The following CUL3 variants were observed in gnomAD, a reference collection of about 807,000 sequenced individuals.
CUL3 encodes cullin 3, also known as cullin-3.
Under a neutral mutation model 89.1 loss-of-function variants are expected in CUL3, and 19 were observed. The observed-to-expected ratio is 0.21, with a 90% CI of 0.15 to 0.31. The LOEUF is 0.31. CUL3 is among the 10% of genes least tolerant of loss of function. CUL3 has a pLI of 1.00. For missense variants in CUL3, 469 were observed against 942.3 expected, an observed-to-expected ratio of 0.50 and a Z score of 6.58; for synonymous variants, 351 against 308.4, an observed-to-expected ratio of 1.14 and a Z score of -1.45.
intron 2 of CUL3, among the ~76,000 whole-genome samples, chr2:224,542,826 A>T (rs887477243): frequency 1.3e-5 from 2 of 152,198 alleles, no homozygotes; most frequent in Non-Finnish European, 2.9e-5. Context: ...GCTGGAAAGG[A>T]GGATGACAGG....
At chr2:224,505,521 G>C (rs955804462) in intron 8 of CUL3, among the ~76,000 whole-genome samples, 5 of 152,144 alleles carry the variant, frequency 3.3e-5, no homozygotes, top group Non-Finnish European at 7.3e-5. Context: ...CTGCAGCCTT[G>C]AACTCCTGAG....
chr2:224,502,248 T>C (rs546864569), intron 10 of CUL3, among the ~76,000 whole-genome samples: 1 of 152,340 alleles, frequency 6.6e-6, no homozygotes, highest in African/African-American at 2.4e-5. Context: ...TAAATGGTTG[T>C]GACACATTTT....
chr2:224,535,488 A>AGCATTCTTC (rs1461208116), intron 3 of CUL3, 40 bp downstream of exon 3: 1 of 1,408,608 alleles, frequency 7.1e-7, no homozygotes, highest in Admixed American at 2.2e-5. Flanking sequence ...CAAATGCTTA[A>AGCATTCTTC]CTGCTTAAAG....
Position 224,539,768 on chromosome 2 carries a change from C to CA in CUL3, c.265-4128dup, listed in dbSNP as rs796875829. Among the ~76,000 whole-genome samples the CA allele has an allele frequency of 3.5e-3, 451 of 130,450 alleles. 2 individuals carry two copies. Among genetic ancestry groups the CA allele is most frequent in the African/African-American group, 7.8e-3 (273 of 35,174 alleles). 85.6% of individuals were successfully genotyped at this position (130,450 alleles called of 152,430 possible). On this transcript the variant is annotated intron_variant, in intron 2 of 15. Coordinates refer to ENST00000264414, the MANE Select transcript of CUL3 (RefSeq NM_003590.5). ...GGAAAAGGCAAAACTAAAGAGAGAG[C>CA]AAAAAAAAAAAAATAGGTATGTAAG...
At chr2:224,531,622 C>T (rs1337415047) in intron 3 of CUL3, among the ~76,000 whole-genome samples, 6 of 151,800 alleles carry the variant, frequency 4.0e-5, no homozygotes, top group Non-Finnish European at 8.8e-5. Context: ...ATAAATGTTG[C>T]AAAGGAATAG....
Position 224,512,490 on chromosome 2 carries a change from C to T in CUL3, c.655-908G>A, listed in dbSNP as rs149380546. Among the ~76,000 whole-genome samples, 4 of 152,266 alleles carry T rather than the reference C, an allele frequency of 2.6e-5. No homozygotes were observed. In the East Asian group the frequency reaches 7.7e-4, roughly 29 times the overall value. ...GTAGTTACGGTTTTCAGGAAAAATGCCTTGTTACAGTTACCTTATAACTAC... is the reference window on the plus strand; with the variant it reads ...GTAGTTACGGTTTTCAGGAAAAATGTCTTGTTACAGTTACCTTATAACTAC... On this transcript the variant is annotated intron_variant, in intron 5 of 15. Coordinates refer to ENST00000264414, the MANE Select transcript of CUL3 (RefSeq NM_003590.5).
Position 224,503,664 on chromosome 2 carries a change from TATC to T in CUL3, c.1362_1364del (p.Met454del). The T allele has an allele frequency of 1.3e-6, 2 of 1,587,756 alleles. No homozygotes were observed. The highest frequency in any genetic ancestry group is 1.7e-6 in the Non-Finnish European group (2 of 1,170,304). On this transcript the variant is annotated inframe_deletion, in exon 9 of 16. Transcript: ENST00000264414. ...AAACACACCTTACCTTTAACTTAGA[TATC>T]ATGTTTTTTTCAGAGTCATCAGAAA...
At chr2:224,489,256 A>C (rs1469055048) in intron 13 of CUL3, among the ~76,000 whole-genome samples, 1 of 152,244 alleles carries the variant, frequency 6.6e-6, no homozygotes, top group Non-Finnish European at 1.5e-5. Flanking sequence ...AGTTCTGGCC[A>C]GGGCAATCAG....
chr2:224,556,856 A>C (rs1327205141), intron 2 of CUL3, among the ~76,000 whole-genome samples: 1 of 147,330 alleles, frequency 6.8e-6, no homozygotes, highest in Non-Finnish European at 1.5e-5. Flanking sequence ...AAAAACTGGC[A>C]AAAAAAATGT....
chr2:224,502,534 A>G (rs951687723), intron 10 of CUL3, among the ~76,000 whole-genome samples: 2 of 152,126 alleles, frequency 1.3e-5, no homozygotes, highest in Non-Finnish European at 2.9e-5. Context: ...ATTTAAGCTA[A>G]ACTTACAGAG....
rs751347016 is a variant in CUL3, at chr2:224,472,258, TA to T, written c.*1986del. 4.6e-6 allele frequency: 1 copy of T among 219,120 alleles called. No homozygotes were observed. Among genetic ancestry groups the T allele is most frequent in the Non-Finnish European group, 9.2e-6 (1 of 109,284 alleles). The allele number at this position is 219,120 out of a possible 1,614,324, so 13.6% of individuals were successfully genotyped here. On this transcript the variant is annotated 3_prime_UTR_variant, in exon 16 of 16. Transcript: ENST00000264414. ...CACACTTGAGACAATGACGTAAACT[TA>T]AACTTTACTTTTAATGGCTTAAACT... is the stretch of plus-strand genomic sequence containing the variant.
chr2:224,522,402 TA>T (rs139193876), intron 3 of CUL3, among the ~76,000 whole-genome samples: 9,621 of 152,216 alleles, frequency 0.063, 452 homozygotes, highest in Admixed American at 0.13. Context: ...ACTACACTTC[TA>T]AAACAGCACC....
At chr2:224,552,393 T>C (rs1574687182) in intron 2 of CUL3, among the ~76,000 whole-genome samples, 1 of 152,214 alleles carries the variant, frequency 6.6e-6, no homozygotes, top group East Asian at 1.9e-4. Context: ...GGGTGTCAGT[T>C]TCCTCAAAGG....
At position 224,557,773 on chromosome 2, in the gene CUL3, A is replaced by G. The variant is rs2106304741; in HGVS notation, c.150T>C (p.Ser50=). ...TATAGAGCTCCTCAAAACTAAGACC[A>G]CTGTTATTCTTACGCTGGATTTCTT... is the stretch of plus-strand genomic sequence containing the variant. The part of the protein sequence containing the change: ...AIQEIQRKNN[S]GLSFEELYRN... The change falls in exon 2 of 16, where the codon AGT becomes AGC. Residue 50 remains serine, a synonymous_variant. Coordinates refer to ENST00000264414, the MANE Select transcript of CUL3 (RefSeq NM_003590.5). The G allele has an allele frequency of 6.3e-7, 1 of 1,598,320 alleles. No homozygotes were observed. The highest frequency in any genetic ancestry group is 8.5e-7 in the Non-Finnish European group (1 of 1,171,458).
chr2:224,470,231 A>C lies in CUL3; in HGVS notation c.*4014T>G, dbSNP rs1163207752. On this transcript the variant is annotated 3_prime_UTR_variant, in exon 16 of 16. Coordinates refer to ENST00000264414, the MANE Select transcript of CUL3 (RefSeq NM_003590.5). Reference sequence around the variant, plus strand: ...AGTTTATTAGTTGAACTGTCCTGTTATTAAAATCTTGAAATTTGACAATTT... The same window carrying C: ...AGTTTATTAGTTGAACTGTCCTGTTCTTAAAATCTTGAAATTTGACAATTT... 9.4e-6 allele frequency: 2 copies of C among 213,418 alleles called. No homozygotes were observed. Among genetic ancestry groups the C allele is most frequent in the Non-Finnish European group, 9.4e-6 (1 of 105,862 alleles). 13.2% of individuals were successfully genotyped at this position (213,418 alleles called of 1,614,324 possible). A position where few individuals can be genotyped will look rare whatever the true frequency, so the allele number is the denominator to read the frequency against.
At chr2:224,514,028 C>T (rs552685868) in intron 4 of CUL3, among the ~76,000 whole-genome samples, 1 of 152,138 alleles carries the variant, frequency 6.6e-6, no homozygotes, top group East Asian at 1.9e-4. Context: ...TTGGACAATG[C>T]TGATCAAGCA....
chr2:224,470,287 G>A lies in CUL3; in HGVS notation c.*3958C>T, dbSNP rs1691077506. 1 of 224,246 alleles carries A rather than the reference G, an allele frequency of 4.5e-6. No individual in the cohort carries two copies. The highest frequency in any genetic ancestry group is 8.9e-6 in the Non-Finnish European group (1 of 112,560). 13.9% of individuals were successfully genotyped at this position (224,246 alleles called of 1,614,324 possible). ...TTACTAAAAAATACACGTTTACTTTGAGCTGCTCATGTATAATTTTAAAGC... is the reference window on the plus strand; with the variant it reads ...TTACTAAAAAATACACGTTTACTTTAAGCTGCTCATGTATAATTTTAAAGC... On this transcript the variant is annotated 3_prime_UTR_variant, in exon 16 of 16. Coordinates refer to ENST00000264414, the MANE Select transcript of CUL3 (RefSeq NM_003590.5).
intron 3 of CUL3, among the ~76,000 whole-genome samples, chr2:224,531,664 TG>T (rs1693701296): frequency 2.0e-5 from 3 of 151,864 alleles, no homozygotes; most frequent in African/African-American, 7.3e-5. Context: ...CTGCAGCCAG[TG>T]GGGAGTACGT....
chr2:224,582,854 T>C (rs1225413477), intron 1 of CUL3, among the ~76,000 whole-genome samples: 4 of 152,214 alleles, frequency 2.6e-5, no homozygotes, highest in African/African-American at 9.7e-5. Context: ...TAATATTCAG[T>C]ATTTGCTGAA....
Sources: gnomAD v4.1 joint callset for allele counts (sites outside exome capture counted in the v4.1 genomes callset) on GRCh38, gnomAD v4.1.1 for gene constraint, MANE v1.5 for transcripts, NCBI Gene and HGNC (gene_info 2026-07-23, HGNC 2026-07-21) for gene names.